ENAH: variants seen among roughly 807,000 people sequenced by gnomAD.
ENAH encodes ENAH actin regulator, also known as protein enabled homolog.
Under a neutral mutation model 78.7 loss-of-function variants are expected in ENAH, and 23 were observed. That is an observed-to-expected ratio of 0.29 (90% confidence interval 0.21 to 0.41). The LOEUF (loss-of-function observed/expected upper bound fraction) is 0.41, where lower values mean the gene tolerates loss of function less well. Among genes scored for constraint, ENAH ranks in the 10% least tolerant of loss-of-function variants. The pLI, the probability that ENAH is intolerant of heterozygous loss-of-function variation, is 1.00. For synonymous variants in ENAH, 226 were observed against 241.0 expected (o/e 0.94, Z 0.58); for missense variants, 544 against 691.0 (o/e 0.79, Z 2.39).
intron 4 of ENAH, among the ~76,000 whole-genome samples, chr1:225,523,790 G>T (rs1163903383): frequency 1.3e-5 from 2 of 152,110 alleles, no homozygotes; most frequent in African/African-American, 2.4e-5. Context: ...TTTCTAGGAG[G>T]AGTTTCCAAA....
intron 1 of ENAH, among the ~76,000 whole-genome samples, chr1:225,642,668 G>A (rs1183129792): frequency 6.6e-6 from 1 of 152,134 alleles, no homozygotes; most frequent in African/African-American, 2.4e-5. Flanking sequence ...ACTAGGCTTT[G>A]AGATGCTTTG....
intron 1 of ENAH, among the ~76,000 whole-genome samples, chr1:225,641,209 G>A (rs780946626): frequency 6.6e-6 from 1 of 151,798 alleles, no homozygotes; most frequent in Non-Finnish European, 1.5e-5. Flanking sequence ...AAAGAAAAAT[G>A]AGAACAAATG....
intron 1 of ENAH, among the ~76,000 whole-genome samples, chr1:225,608,815 CAAAAAAAA>C (rs928281132): frequency 4.4e-4 from 9 of 20,660 alleles, no homozygotes; most frequent in Non-Finnish European, 6.6e-4. Flanking sequence ...GACTCTGTCT[CAAAAAAAA>C]AAAAAAAAAA....
At chr1:225,584,498 A>C (rs896830719) in intron 1 of ENAH, among the ~76,000 whole-genome samples, 2 of 152,218 alleles carry the variant, frequency 1.3e-5, no homozygotes, top group African/African-American at 4.8e-5. Context: ...ATAACAAAGG[A>C]CTGAAAACAG....
chr1:225,585,488 AAAAAAATTG>A lies in ENAH; in HGVS notation c.6-18083_6-18075del, dbSNP rs1462770946. 2.6e-5 allele frequency among the ~76,000 whole-genome samples: 4 copies of A among 152,102 alleles called. No individual in the cohort carries two copies. In the South Asian group the frequency reaches 6.2e-4, roughly 24 times the overall value. On this transcript the variant is annotated intron_variant, in intron 1 of 13. Transcript: ENST00000366843. The stretch of plus-strand genomic sequence containing the variant: ...AGATAGATGATATGCTGGGCCATAA[AAAAAAATTG>A]AATAAATTGCCCAGGTGCAGTGGCT...
chr1:225,542,622 TTTAC>T (rs2096595013), intron 3 of ENAH, among the ~76,000 whole-genome samples: 1 of 152,242 alleles, frequency 6.6e-6, no homozygotes, highest in Non-Finnish European at 1.5e-5. Flanking sequence ...ATTGTCCACA[TTTAC>T]TTTTTGAAAT....
chr1:225,535,452 C>A lies in ENAH; in HGVS notation c.350-4814G>T, dbSNP rs1371843044. 7 of 1,151,386 alleles carry A rather than the reference C, an allele frequency of 6.1e-6. No individual in the cohort carries two copies. The East Asian group carries it at 4.1e-4, about 67-fold the overall frequency. 71.3% of individuals were successfully genotyped at this position (1,151,386 alleles called of 1,614,324 possible). A position where few individuals can be genotyped will look rare whatever the true frequency, so the allele number is the denominator to read the frequency against. On this transcript the variant is annotated intron_variant, in intron 3 of 13. Transcript: ENST00000366843. Reference sequence around the variant, plus strand: ...TAAGAAAACAAAAGTTATGGAAATGCGCAAGTAGCATGTACCACAGCTTGA... The same window carrying A: ...TAAGAAAACAAAAGTTATGGAAATGAGCAAGTAGCATGTACCACAGCTTGA...
At chr1:225,526,757 T>C (rs1396298377) in intron 4 of ENAH, among the ~76,000 whole-genome samples, 3 of 152,226 alleles carry the variant, frequency 2.0e-5, no homozygotes, top group South Asian at 4.1e-4. Context: ...CAATGAAATA[T>C]ATTCTCCTAG....
intron 1 of ENAH, among the ~76,000 whole-genome samples, chr1:225,573,815 C>A (rs937508724): frequency 4.6e-5 from 7 of 152,210 alleles, no homozygotes; most frequent in Non-Finnish European, 7.3e-5. Flanking sequence ...AAATGTACCA[C>A]CACTGAAAGT....
chr1:225,506,379 G>C (rs1264447503), intron 11 of ENAH, among the ~76,000 whole-genome samples: 2 of 152,114 alleles, frequency 1.3e-5, no homozygotes, highest in South Asian at 2.1e-4. Context: ...GTAGAGATGG[G>C]GTTTCATCAT....
intron 1 of ENAH, among the ~76,000 whole-genome samples, chr1:225,606,924 A>G (rs60588592): frequency 0.076 from 11,509 of 151,698 alleles, 1,466 homozygotes; most frequent in African/African-American, 0.26. Context: ...CACAAATCCA[A>G]TAAAATAACT....
intron 1 of ENAH, among the ~76,000 whole-genome samples, chr1:225,580,981 T>A (rs2096814391): frequency 8.6e-6 from 1 of 116,584 alleles, no homozygotes; most frequent in African/African-American, 3.2e-5. Context: ...AGCACACATA[T>A]AGGCACACAG....
chr1:225,565,288 A>T (rs993170980), intron 2 of ENAH, among the ~76,000 whole-genome samples: 6 of 152,138 alleles, frequency 3.9e-5, no homozygotes, highest in Admixed American at 3.9e-4. Flanking sequence ...ATACAAAATT[A>T]GCCAGGCATG....
intron 1 of ENAH, among the ~76,000 whole-genome samples, chr1:225,623,407 C>T (rs1456997464): frequency 6.6e-6 from 1 of 152,042 alleles, no homozygotes; most frequent in Non-Finnish European, 1.5e-5. Context: ...TCAGCAAAGA[C>T]TCATAATTTC....
At chr1:225,553,135 A>T (rs2151416239) in intron 3 of ENAH, among the ~76,000 whole-genome samples, 1 of 152,174 alleles carries the variant, frequency 6.6e-6, no homozygotes, top group East Asian at 1.9e-4. Context: ...CTGGGAGGCT[A>T]AGGAGGGAGA....
intron 1 of ENAH, among the ~76,000 whole-genome samples, chr1:225,638,530 T>C (rs1660463620): frequency 6.6e-6 from 1 of 152,194 alleles, no homozygotes; most frequent in African/African-American, 2.4e-5. Context: ...CCTATGCACA[T>C]TTTTACTTTT....
In ENAH at chr1:225,489,801, T is replaced by C. The variant is rs1430110797; in HGVS notation, c.*7974A>G. The stretch of plus-strand genomic sequence containing the variant: ...CTGTCTCTACTAAAAATACAAAAAT[T>C]AGCCGGGTGTGGTGGCGCATGCCTG... On this transcript the variant is annotated 3_prime_UTR_variant, in exon 14 of 14. Transcript: ENST00000366843. 6.6e-6 allele frequency: 1 copy of C among 151,722 alleles called. No individual in the cohort carries two copies. Among genetic ancestry groups the C allele is most frequent in the African/African-American group, 2.4e-5 (1 of 41,260 alleles). 9.4% of individuals were successfully genotyped at this position (151,722 alleles called of 1,614,324 possible).
chr1:225,501,127 C>A (rs1334781773), intron 11 of ENAH, 57 bp from the exon 12 acceptor site: 10 of 1,331,158 alleles, frequency 7.5e-6, no homozygotes, highest in Non-Finnish European at 1.0e-5. Context: ...TTAATGAGTT[C>A]ATAAATAATT....
chr1:225,618,684 ACT>A (rs1448517639), intron 1 of ENAH, among the ~76,000 whole-genome samples: 1 of 152,066 alleles, frequency 6.6e-6, no homozygotes, highest in African/African-American at 2.4e-5. Flanking sequence ...CTCTACAAAA[ACT>A]CAACTTAGAA....
Sources: allele counts gnomAD v4.1 joint callset (sites outside exome capture counted in the v4.1 genomes callset), GRCh38; gene constraint gnomAD v4.1.1; transcripts MANE v1.5; gene names NCBI Gene and HGNC (gene_info 2026-07-23, HGNC 2026-07-21).